XKR4: variants seen among roughly 807,000 people sequenced by gnomAD.
XKR4 encodes XK-related protein 4.
XKR4 carries 12 observed loss-of-function variants against 53.9 expected under a neutral mutation model. The observed-to-expected ratio is 0.22, with a 90% CI of 0.14 to 0.36. XKR4 has a LOEUF of 0.36. Among genes scored for constraint, XKR4 ranks in the 10% least tolerant of loss-of-function variants. XKR4 has a pLI of 1.00. For missense variants in XKR4, 799 were observed against 859.5 expected (o/e 0.93, Z 0.88); for synonymous variants, 354 against 362.4 (o/e 0.98, Z 0.26).
intron 2 of XKR4, chr8:55,455,149 C>G: frequency 1.7e-6 from 1 of 586,626 alleles, no homozygotes; most frequent in Non-Finnish European, 3.1e-6. Flanking sequence ...TGGGGAGGGA[C>G]GCTGGGCGGG....
rs1249274479 is a variant in XKR4, at chr8:55,525,793, G to A, written c.*1566G>A. On this transcript the variant is annotated 3_prime_UTR_variant, in exon 3 of 3. Transcript: ENST00000327381. Reference sequence around the variant, plus strand: ...TCACATTTTTTATAGACCTGGAATCGTTTAAAATACTTTAAGCATCATAAT... The same window carrying A: ...TCACATTTTTTATAGACCTGGAATCATTTAAAATACTTTAAGCATCATAAT... 2.0e-5 allele frequency: 3 copies of A among 152,494 alleles called. No homozygotes were observed. The highest frequency in any genetic ancestry group is 1.9e-4 in the East Asian group (1 of 5,204). 9.4% of individuals were successfully genotyped at this position (152,494 alleles called of 1,614,324 possible).
Position 55,528,862 on chromosome 8 carries a change from C to T in XKR4, c.*4635C>T, listed in dbSNP as rs895661626. Reference sequence around the variant, plus strand: ...GTGTTTCAAAATGGCCAAGGATGGGCGATTCCGCTCTATCCCCCATTTCTG... The same window carrying T: ...GTGTTTCAAAATGGCCAAGGATGGGTGATTCCGCTCTATCCCCCATTTCTG... On this transcript the variant is annotated 3_prime_UTR_variant, in exon 3 of 3. Coordinates refer to ENST00000327381, the MANE Select transcript of XKR4 (RefSeq NM_052898.2). 5 of 151,912 alleles carry T rather than the reference C, an allele frequency of 3.3e-5. No homozygotes were observed. Among genetic ancestry groups the T allele is most frequent in the East Asian group, 1.9e-4 (1 of 5,186 alleles). The allele number at this position is 151,912 out of a possible 1,614,324, so 9.4% of individuals were successfully genotyped here. A position where few individuals can be genotyped will look rare whatever the true frequency, so the allele number is the denominator to read the frequency against.
chr8:55,228,051 CA>C (rs1178000087), intron 1 of XKR4, among the ~76,000 whole-genome samples: 1 of 152,128 alleles, frequency 6.6e-6, no homozygotes, highest in African/African-American at 2.4e-5. Flanking sequence ...GGATTACGGA[CA>C]CGCACCACCA....
chr8:55,402,696 C>T (rs1804619127), intron 2 of XKR4, among the ~76,000 whole-genome samples: 1 of 152,218 alleles, frequency 6.6e-6, no homozygotes, highest in Non-Finnish European at 1.5e-5. Flanking sequence ...ACTGTGGGCA[C>T]TTCCTTCCTT....
intron 2 of XKR4, among the ~76,000 whole-genome samples, chr8:55,369,318 C>T (rs1804035747): frequency 7.0e-6 from 1 of 143,640 alleles, no homozygotes; most frequent in Admixed American, 7.2e-5. Context: ...CACTGCACTC[C>T]AGCCTAGGGC....
intron 1 of XKR4, among the ~76,000 whole-genome samples, chr8:55,186,482 C>T (rs1470262143): frequency 6.6e-6 from 1 of 151,792 alleles, no homozygotes; most frequent in Non-Finnish European, 1.5e-5. Context: ...GGTGAAACCC[C>T]GTCTCTACTA....
chr8:55,282,426 G>T (rs991578841), intron 1 of XKR4, among the ~76,000 whole-genome samples: 1 of 152,174 alleles, frequency 6.6e-6, no homozygotes, highest in African/African-American at 2.4e-5. Flanking sequence ...AGAAGCATGG[G>T]TGCCAGCATC....
intron 2 of XKR4, among the ~76,000 whole-genome samples, chr8:55,431,543 T>C (rs1040364428): frequency 6.6e-6 from 1 of 152,214 alleles, no homozygotes; most frequent in Non-Finnish European, 1.5e-5. Context: ...ATGTTGTTCC[T>C]AGTAATTTGA....
intron 2 of XKR4, among the ~76,000 whole-genome samples, chr8:55,479,679 A>G (rs1806066948): frequency 6.6e-6 from 1 of 152,176 alleles, no homozygotes; most frequent in Non-Finnish European, 1.5e-5. Context: ...GAAAAGAGAG[A>G]AGAATCAAAT....
At chr8:55,191,180 G>C (rs189570181) in intron 1 of XKR4, among the ~76,000 whole-genome samples, 3 of 152,178 alleles carry the variant, frequency 2.0e-5, no homozygotes, top group Non-Finnish European at 2.9e-5. Context: ...AGTCTTCCAT[G>C]CACAGGATAA....
chr8:55,446,261 A>G (rs1016175716), intron 2 of XKR4, among the ~76,000 whole-genome samples: 1 of 152,224 alleles, frequency 6.6e-6, no homozygotes, highest in Non-Finnish European at 1.5e-5. Flanking sequence ...TACAATGTGC[A>G]TAACATGGGC....
chr8:55,449,664 G>A (rs1563353011), intron 2 of XKR4: 2 of 903,970 alleles, frequency 2.2e-6, no homozygotes, highest in Non-Finnish European at 3.8e-6. Context: ...GCCATGCCAG[G>A]TGCCACAGCC....
chr8:55,383,410 G>A (rs558973760), intron 2 of XKR4, among the ~76,000 whole-genome samples: 1 of 152,222 alleles, frequency 6.6e-6, no homozygotes, highest in East Asian at 1.9e-4. Flanking sequence ...GGAACTGCTG[G>A]GGGCCTAGAA....
intron 2 of XKR4, among the ~76,000 whole-genome samples, chr8:55,415,009 G>C (rs144093149): frequency 1.3e-5 from 2 of 152,336 alleles, no homozygotes; most frequent in Non-Finnish European, 2.9e-5. Flanking sequence ...CAGAGACCTA[G>C]GTGTGCAGGA....
intron 2 of XKR4, among the ~76,000 whole-genome samples, chr8:55,399,779 G>A (rs1585556108): frequency 6.6e-6 from 1 of 152,210 alleles, no homozygotes; most frequent in Admixed American, 6.5e-5. Flanking sequence ...GCTGGGCAAG[G>A]CGAGTTAACC....
intron 1 of XKR4, among the ~76,000 whole-genome samples, chr8:55,273,398 G>A (rs1459745937): frequency 6.6e-6 from 1 of 152,144 alleles, no homozygotes; most frequent in African/African-American, 2.4e-5. Flanking sequence ...AAACAAAGAT[G>A]GTAACAGCTC....
chr8:55,484,437 T>C (rs1806162254), intron 2 of XKR4, among the ~76,000 whole-genome samples: 2 of 152,180 alleles, frequency 1.3e-5, no homozygotes, highest in African/African-American at 4.8e-5. Context: ...ATTTGCAAAC[T>C]AGAATTCCAC....
At chr8:55,494,626 A>G (rs1806315974) in intron 2 of XKR4, among the ~76,000 whole-genome samples, 1 of 152,092 alleles carries the variant, frequency 6.6e-6, no homozygotes, top group African/African-American at 2.4e-5. Flanking sequence ...TTCAGCTCTC[A>G]GCAGAGAGGG....
chr8:55,462,145 G>A (rs563279632), intron 2 of XKR4, among the ~76,000 whole-genome samples: 2 of 152,242 alleles, frequency 1.3e-5, no homozygotes, highest in South Asian at 2.1e-4. Context: ...TACTCCTCGA[G>A]AAGAGCAACT....
Sources: gnomAD v4.1 joint callset for allele counts (sites outside exome capture counted in the v4.1 genomes callset) on GRCh38, gnomAD v4.1.1 for gene constraint, MANE v1.5 for transcripts, NCBI Gene and HGNC (gene_info 2026-07-23, HGNC 2026-07-21) for gene names.